The following MAPKAPK3 variants were observed in gnomAD, a reference collection of about 807,000 sequenced individuals.
MAPKAPK3 encodes the protein MAPK activated protein kinase 3.
MAPKAPK3 carries 35 observed loss-of-function variants against 49.2 expected under a neutral mutation model. The observed-to-expected ratio is 0.71, with a 90% CI of 0.54 to 0.94. The LOEUF is 0.94. Among genes scored for constraint, MAPKAPK3 ranks in the 40% least tolerant of loss-of-function variants. The probability of loss-of-function intolerance (pLI) is 0.00; values close to 1 mark genes in which losing one functional copy is unlikely to be tolerated. For synonymous variants in MAPKAPK3, 178 were observed against 188.7 expected (o/e 0.94, Z 0.46); for missense variants, 398 against 493.1 (o/e 0.81, Z 1.83).
At chr3:50,644,831 G>A (rs547956388) in intron 6 of MAPKAPK3, among the ~76,000 whole-genome samples, 9 of 152,338 alleles carry the variant, frequency 5.9e-5, no homozygotes, top group East Asian at 1.9e-4. Context: ...AGCTTGGGAC[G>A]GAGCCCAACC....
chr3:50,611,915 G>A (rs1028294415), exon 1 of MAPKAPK3: 1 of 461,352 alleles, frequency 2.2e-6, no homozygotes, highest in Non-Finnish European at 3.7e-6. Flanking sequence ...CGCGGGCTGA[G>A]CGGTGGGGCC....
At position 50,647,935 on chromosome 3, in the gene MAPKAPK3, C is replaced by T. The variant is rs199560575; in HGVS notation, c.1038C>T (p.Tyr346=). ...CCTTGGCCACTATGCGGGTAGACTA[C>T]GACCAGGTGAAGATCAAGGACCTGA... The part of the protein sequence containing the change: ...TSALATMRVD[Y]DQVKIKDLKT... The change falls in exon 11 of 11, where the codon TAC becomes TAT. Residue 346 remains tyrosine, a synonymous_variant. Transcript: ENST00000621469. The T allele has an allele frequency of 6.2e-6, 10 of 1,613,970 alleles. No individual in the cohort carries two copies. The highest frequency in any genetic ancestry group is 5.3e-5 in the African/African-American group (4 of 75,034).
intron 2 of MAPKAPK3, among the ~76,000 whole-genome samples, chr3:50,627,326 C>G (rs917606930): frequency 6.6e-6 from 1 of 152,028 alleles, no homozygotes; most frequent in African/African-American, 2.4e-5. Context: ...CTGCCTTGCC[C>G]ACTGCTGGTG....
chr3:50,627,046 A>T (rs2032765700), intron 2 of MAPKAPK3, among the ~76,000 whole-genome samples: 1 of 152,000 alleles, frequency 6.6e-6, no homozygotes, highest in Non-Finnish European at 1.5e-5. Context: ...TAGCTGGGTG[A>T]GGTGGCACAT....
chr3:50,636,951 C>A (rs2033056049), intron 2 of MAPKAPK3, among the ~76,000 whole-genome samples: 1 of 152,206 alleles, frequency 6.6e-6, no homozygotes, highest in Admixed American at 6.5e-5. Flanking sequence ...GCCCTCTCCC[C>A]TGTCCCTATG....
chr3:50,646,889 G>A, intron 9 of MAPKAPK3, 64 bp downstream of exon 9: 1 of 1,534,422 alleles, frequency 6.5e-7, no homozygotes, highest in Non-Finnish European at 9.0e-7. Context: ...CCGGGCAGGA[G>A]GGTGGTGGCT....
chr3:50,646,930 T>G (rs2033314215), intron 9 of MAPKAPK3, 105 bp downstream of exon 9: 1 of 1,214,748 alleles, frequency 8.2e-7, no homozygotes. Flanking sequence ...AGGGCTGGAA[T>G]GGGCCCATGC....
At chr3:50,641,815 G>A in intron 4 of MAPKAPK3, 44 bp downstream of exon 4, 4 of 1,529,464 alleles carry the variant, frequency 2.6e-6, no homozygotes, top group Non-Finnish European at 3.6e-6. Flanking sequence ...CAGGGTGAGA[G>A]GTATGGACCA....
intron 1 of MAPKAPK3, 93 bp from the exon 2 acceptor site, chr3:50,617,420 GC>G (rs1387844900): frequency 3.4e-6 from 2 of 588,826 alleles, no homozygotes; most frequent in Non-Finnish European, 3.0e-6. Context: ...CTCCCAGCTT[GC>G]CCCGGGCTCG....
At chr3:50,635,684 G>A (rs868393009) in intron 2 of MAPKAPK3, among the ~76,000 whole-genome samples, 3 of 151,378 alleles carry the variant, frequency 2.0e-5, no homozygotes, top group African/African-American at 4.8e-5. Flanking sequence ...CAAAATGCTG[G>A]GATTACAGGC....
chr3:50,641,767 G>A lies in MAPKAPK3; in HGVS notation c.420G>A (p.Glu140=), dbSNP rs764780352. Residue 140 remains glutamate, a synonymous_variant, in exon 4 of 11, where the codon GAG becomes GAA. Transcript: ENST00000621469. The part of the protein sequence containing the change: ...IQERGDQAFT[E]REAAEIMRDI... ...AGCGTGGCGACCAGGCTTTCACTGAGAGAGGTATGTGCATGTAGCTGGACC... is the reference window on the plus strand; with the variant it reads ...AGCGTGGCGACCAGGCTTTCACTGAAAGAGGTATGTGCATGTAGCTGGACC... 8.7e-6 allele frequency: 14 copies of A among 1,613,876 alleles called. No individual in the cohort carries two copies. The highest frequency in any genetic ancestry group is 1.2e-5 in the Non-Finnish European group (14 of 1,179,844).
intron 2 of MAPKAPK3, among the ~76,000 whole-genome samples, chr3:50,634,742 C>T (rs937108348): frequency 5.9e-5 from 9 of 152,174 alleles, no homozygotes; most frequent in South Asian, 4.1e-4. Flanking sequence ...CCTCCCGCCT[C>T]GGTCTCCCAA....
At chr3:50,631,921 G>C (rs924077606) in intron 2 of MAPKAPK3, among the ~76,000 whole-genome samples, 1 of 152,228 alleles carries the variant, frequency 6.6e-6, no homozygotes, top group Non-Finnish European at 1.5e-5. Flanking sequence ...GCTGGGATGA[G>C]ACCCTTAGGT....
At chr3:50,639,779 C>T (rs1365008300) in intron 2 of MAPKAPK3, among the ~76,000 whole-genome samples, 2 of 152,090 alleles carry the variant, frequency 1.3e-5, no homozygotes, top group Non-Finnish European at 2.9e-5. Context: ...GGCAGATTTG[C>T]GTGTTAGTGC....
intron 2 of MAPKAPK3, among the ~76,000 whole-genome samples, chr3:50,620,041 A>G (rs2032571209): frequency 6.6e-6 from 1 of 152,202 alleles, no homozygotes; most frequent in Admixed American, 6.5e-5. Flanking sequence ...TCCTGTTCTT[A>G]GTATCACTAG....
chr3:50,647,157 C>T lies in MAPKAPK3; in HGVS notation c.950C>T (p.Thr317Met), dbSNP rs749474530. ...GTAGTGCCACAGACCCCACTCCACACGGCCCGAGTGCTGCAGGAGGACAAA... is the reference window on the plus strand; with the variant it reads ...GTAGTGCCACAGACCCCACTCCACATGGCCCGAGTGCTGCAGGAGGACAAA... ...SMVVPQTPLH[T>M]ARVLQEDKDH... is the part of the protein sequence containing the mutation. Residue 317 changes from threonine (T) to methionine (M), a missense_variant, in exon 10 of 11, where the codon ACG becomes ATG. Thr to Met is a moderately conservative substitution (Grantham distance 81, BLOSUM62 -1). This residue lies in a region of MAPKAPK3 where 152 missense variants were observed against 177.3 expected (regional missense o/e 0.86). Coordinates refer to ENST00000621469, the MANE Select transcript of MAPKAPK3 (RefSeq NM_001243925.2). 1.3e-5 allele frequency: 20 copies of T among 1,595,854 alleles called. No homozygotes were observed. The highest frequency in any genetic ancestry group is 2.3e-5 in the South Asian group (2 of 87,706).
At chr3:50,632,093 C>T (rs1559486045) in intron 2 of MAPKAPK3, among the ~76,000 whole-genome samples, 2 of 152,268 alleles carry the variant, frequency 1.3e-5, no homozygotes, top group Non-Finnish European at 1.5e-5. Flanking sequence ...GTGCTGGCCT[C>T]AGTCTTCATG....
intron 2 of MAPKAPK3, among the ~76,000 whole-genome samples, chr3:50,626,315 T>C (rs1339816843): frequency 6.6e-6 from 1 of 152,130 alleles, no homozygotes; most frequent in Non-Finnish European, 1.5e-5. Flanking sequence ...GCTCAAGGTA[T>C]GAGGTGCAAC....
chr3:50,617,669 A>G lies in MAPKAPK3; in HGVS notation c.104A>G (p.Lys35Arg), dbSNP rs368714447. 6.2e-7 allele frequency: 1 copy of G among 1,612,714 alleles called. No homozygotes were observed. The highest frequency in any genetic ancestry group is 8.5e-7 in the Non-Finnish European group (1 of 1,179,350). The change falls in exon 2 of 11, where the codon AAG (lysine) becomes AGG (arginine). Residue 35 changes from lysine to arginine, a missense_variant. By Grantham distance (26) the Lys-to-Arg change is conservative. Coordinates refer to ENST00000621469, the MANE Select transcript of MAPKAPK3 (RefSeq NM_001243925.2). ...GCTCCGGGGGGGCGGCGGGAGCCCA[A>G]GAAGTACGCAGTGACCGACGACTAC... ...GGAPGGRREP[K>R]KYAVTDDYQL...
Sources: allele counts gnomAD v4.1 joint callset (sites outside exome capture counted in the v4.1 genomes callset), GRCh38; gene constraint gnomAD v4.1.1; regional missense constraint gnomAD v4.1.1; transcripts MANE v1.5; gene names NCBI Gene and HGNC (gene_info 2026-07-23, HGNC 2026-07-21).